The following SLIT2 variants were observed in gnomAD, a reference collection of about 807,000 sequenced individuals.
SLIT2 encodes slit guidance ligand 2, also known as slit homolog 2 protein.
SLIT2 carries 41 observed loss-of-function variants against 185.7 expected under a neutral mutation model. That is an observed-to-expected ratio of 0.22 (90% CI 0.17 to 0.29). SLIT2 has a LOEUF of 0.29. SLIT2 is among the 10% of genes least tolerant of loss of function. The pLI, the probability that SLIT2 is intolerant of heterozygous loss-of-function variation, is 1.00. For missense variants in SLIT2, 1,571 were observed against 1,909.0 expected (o/e 0.82, Z 3.30); for synonymous variants, 693 against 680.2 (o/e 1.02, Z -0.29).
intron 4 of SLIT2, among the ~76,000 whole-genome samples, chr4:20,423,050 T>C (rs1384514692): frequency 6.6e-6 from 1 of 152,140 alleles, no homozygotes; most frequent in Non-Finnish European, 1.5e-5. Context: ...TATCCCAATC[T>C]CTACTATGCT....
chr4:20,564,279 G>A (rs1011250650), intron 26 of SLIT2, among the ~76,000 whole-genome samples: 22 of 151,720 alleles, frequency 1.5e-4, no homozygotes, highest in African/African-American at 5.1e-4. Flanking sequence ...AATATGGACA[G>A]GGAGATGAAT....
rs371767864 is a variant in SLIT2, at chr4:20,523,793, G to A, written c.1164G>A (p.Arg388=). 1.2e-6 allele frequency: 2 copies of A among 1,613,752 alleles called. No homozygotes were observed. The highest frequency in any genetic ancestry group is 1.7e-6 in the Non-Finnish European group (2 of 1,179,828). The part of the protein sequence containing the change: ...LLNANKINCL[R]VDAFQDLHNL... ...ATGCCAACAAGATAAACTGCCTTCG[G>A]GTAGATGCTTTTCAGGATCTCCACA... Residue 388 remains arginine (R), a synonymous_variant, in exon 13 of 37, where the codon CGG becomes CGA. Transcript: ENST00000504154.
intron 4 of SLIT2, among the ~76,000 whole-genome samples, chr4:20,456,052 A>G (rs1713028797): frequency 6.6e-6 from 1 of 152,126 alleles, no homozygotes; most frequent in South Asian, 2.1e-4. Flanking sequence ...GAGTATATAC[A>G]TCGACATGAA....
chr4:20,616,878 A>G lies in SLIT2; in HGVS notation c.3848-32A>G, dbSNP rs141054454. 230 of 1,554,762 alleles carry G rather than the reference A, an allele frequency of 1.5e-4. No homozygotes were observed. In the African/African-American group the frequency reaches 2.7e-3, roughly 18 times the overall value. ...GCAAATGGCTCAGAAATCCCCAGAGAGCCTGACCTCTGACCTGGTGTTCCT... is the reference window on the plus strand; with the variant it reads ...GCAAATGGCTCAGAAATCCCCAGAGGGCCTGACCTCTGACCTGGTGTTCCT... On this transcript the variant is annotated intron_variant, in intron 34 of 36. Transcript: ENST00000504154.
intron 4 of SLIT2, among the ~76,000 whole-genome samples, chr4:20,282,240 G>A (rs963504853): frequency 2.6e-5 from 4 of 152,122 alleles, no homozygotes; most frequent in Non-Finnish European, 4.4e-5. Flanking sequence ...AAAGAGAAAA[G>A]TGGTTTAAAA....
chr4:20,619,344 C>T lies in SLIT2; in HGVS notation c.*335C>T, dbSNP rs1729921590. The T allele has an allele frequency of 1.6e-5, 3 of 187,758 alleles. No individual in the cohort carries two copies. The highest frequency in any genetic ancestry group is 3.3e-5 in the Non-Finnish European group (3 of 89,856). 11.6% of individuals were successfully genotyped at this position (187,758 alleles called of 1,614,324 possible). ...CGAGGGACAGAGGAGCTACTGTGCA[C>T]TGCTGTGAAATTGCCCAGAGCATAA... On this transcript the variant is annotated 3_prime_UTR_variant, in exon 37 of 37. Transcript: ENST00000504154.
At position 20,520,102 on chromosome 4, in the gene SLIT2, G is replaced by C. The variant is rs1213653005; in HGVS notation, c.1130+649G>C. On this transcript the variant is annotated intron_variant, in intron 12 of 36. Transcript: ENST00000504154. ...GCAACTTTTGTCCAGAGAATCTGCA[G>C]GAGCGACAGTGCTGCAATAATTTCC... is the stretch of plus-strand genomic sequence containing the variant. Among the ~76,000 whole-genome samples, 3 of 150,754 alleles carry C rather than the reference G, an allele frequency of 2.0e-5. No individual in the cohort carries two copies. In the East Asian group the frequency reaches 5.9e-4, roughly 29 times the overall value.
intron 5 of SLIT2, among the ~76,000 whole-genome samples, chr4:20,476,703 A>G (rs912184744): frequency 1.3e-5 from 2 of 152,162 alleles, no homozygotes; most frequent in Non-Finnish European, 2.9e-5. Flanking sequence ...AATTGAAATT[A>G]CTGCAGTTTT....
chr4:20,580,496 C>G (rs10470802), intron 29 of SLIT2, among the ~76,000 whole-genome samples: 4,730 of 151,642 alleles, frequency 0.031, 254 homozygotes, highest in African/African-American at 0.1. Flanking sequence ...GCAAACTTAC[C>G]ATAAAGCTGA....
At chr4:20,476,624 A>G (rs970192721) in intron 5 of SLIT2, among the ~76,000 whole-genome samples, 2 of 152,148 alleles carry the variant, frequency 1.3e-5, no homozygotes, top group African/African-American at 4.8e-5. Flanking sequence ...AAAAAAACCT[A>G]TTAGTTATAA....
chr4:20,336,208 C>A (rs1351503262), intron 4 of SLIT2, among the ~76,000 whole-genome samples: 1 of 152,158 alleles, frequency 6.6e-6, no homozygotes. Context: ...CCCAAATTTC[C>A]ATTTTAATGA....
At chr4:20,373,733 G>T (rs1351912856) in intron 4 of SLIT2, among the ~76,000 whole-genome samples, 1 of 152,010 alleles carries the variant, frequency 6.6e-6, no homozygotes, top group Non-Finnish European at 1.5e-5. Flanking sequence ...AAACCCAATT[G>T]CATATCCTGC....
In SLIT2 at chr4:20,619,191, ACT is replaced by A; in HGVS notation, c.*183_*184del. 1.7e-6 allele frequency: 1 copy of A among 599,282 alleles called. No individual in the cohort carries two copies. Among genetic ancestry groups the A allele is most frequent in the Non-Finnish European group, 2.7e-6 (1 of 368,476 alleles). The allele number at this position is 599,282 out of a possible 1,614,324, so 37.1% of individuals were successfully genotyped here. ...GAAAAAAAAAAAAAGAAATGCTTGAACTAAAGCTTCCCCTATGCTGGAGAAGT... is the reference window on the plus strand; with the variant it reads ...GAAAAAAAAAAAAAGAAATGCTTGAAAAAGCTTCCCCTATGCTGGAGAAGT... On this transcript the variant is annotated 3_prime_UTR_variant, in exon 37 of 37. Coordinates refer to ENST00000504154, the MANE Select transcript of SLIT2 (RefSeq NM_004787.4).
intron 29 of SLIT2, among the ~76,000 whole-genome samples, chr4:20,580,586 C>T (rs1463105206): frequency 1.3e-5 from 2 of 152,040 alleles, no homozygotes; most frequent in Non-Finnish European, 2.9e-5. Context: ...TCTTTAAGAC[C>T]TTGAAGAGGA....
At chr4:20,347,197 T>A (rs1264547984) in intron 4 of SLIT2, among the ~76,000 whole-genome samples, 3 of 152,182 alleles carry the variant, frequency 2.0e-5, no homozygotes, top group African/African-American at 7.2e-5. Context: ...TTATTGCCAT[T>A]TTATAGAGCA....
At chr4:20,294,252 C>T (rs923735935) in intron 4 of SLIT2, among the ~76,000 whole-genome samples, 17 of 151,564 alleles carry the variant, frequency 1.1e-4, no homozygotes, top group South Asian at 2.1e-4. Flanking sequence ...ATGAGTCTGA[C>T]GCACAAGAAT....
intron 18 of SLIT2, among the ~76,000 whole-genome samples, chr4:20,536,670 T>C (rs566025): frequency 6.6e-6 from 1 of 151,814 alleles, no homozygotes; most frequent in South Asian, 2.1e-4. Context: ...TAGCTTACTG[T>C]GACTTTTTTA....
At chr4:20,389,068 A>G (rs898921164) in intron 4 of SLIT2, among the ~76,000 whole-genome samples, 2 of 150,460 alleles carry the variant, frequency 1.3e-5, no homozygotes, top group African/African-American at 4.9e-5. Context: ...ATCTGTTCTT[A>G]GTCTTGTTAT....
chr4:20,573,938 TTTTATTTATTTA>T (rs10673597), intron 29 of SLIT2, among the ~76,000 whole-genome samples: 1 of 140,768 alleles, frequency 7.1e-6, no homozygotes, highest in Non-Finnish European at 1.5e-5. Context: ...CATAGAATTA[TTTTATTTATTTA>T]TTTATTTATT....
Sources: gnomAD v4.1 joint callset for allele counts (sites outside exome capture counted in the v4.1 genomes callset) on GRCh38, gnomAD v4.1.1 for gene constraint, MANE v1.5 for transcripts, NCBI Gene and HGNC (gene_info 2026-07-23, HGNC 2026-07-21) for gene names.